The following UBE2Q2 variants were observed in gnomAD, a reference collection of about 807,000 sequenced individuals.
The protein encoded by UBE2Q2 is ubiquitin conjugating enzyme E2 Q2.
Under a neutral mutation model 59.9 loss-of-function variants are expected in UBE2Q2, and 54 were observed. The observed-to-expected ratio is 0.90, with a 90% CI of 0.72 to 1.13. The LOEUF is 1.13. Among genes scored for constraint, UBE2Q2 ranks in the 50% most tolerant of loss-of-function variants. UBE2Q2 has a pLI of 0.00. For missense variants in UBE2Q2, 433 were observed against 441.9 expected (o/e 0.98, Z 0.18); for synonymous variants, 165 against 155.2 (o/e 1.06, Z -0.47).
At chr15:75,862,952 A>G (rs1595868030) in intron 3 of UBE2Q2, among the ~76,000 whole-genome samples, 1 of 152,074 alleles carries the variant, frequency 6.6e-6, no homozygotes, top group East Asian at 1.9e-4. Flanking sequence ...CTCCTGGTGC[A>G]ATCATAAATG....
intron 11 of UBE2Q2, among the ~76,000 whole-genome samples, chr15:75,896,575 G>A (rs917947023): frequency 6.6e-6 from 1 of 152,130 alleles, no homozygotes; most frequent in Non-Finnish European, 1.5e-5. Flanking sequence ...TATAGTTGTG[G>A]AAGCTTAATA....
chr15:75,882,473 T>C (rs1898485119), intron 8 of UBE2Q2, among the ~76,000 whole-genome samples: 1 of 152,196 alleles, frequency 6.6e-6, no homozygotes, highest in South Asian at 2.1e-4. Flanking sequence ...AAATCATACA[T>C]AATGAAGAGG....
chr15:75,850,218 G>T (rs1376513661), intron 1 of UBE2Q2, among the ~76,000 whole-genome samples: 1 of 152,106 alleles, frequency 6.6e-6, no homozygotes, highest in Admixed American at 6.5e-5. Context: ...GACATTAAAA[G>T]AAATTTAGTC....
intron 2 of UBE2Q2, 53 bp downstream of exon 2, chr15:75,854,540 G>A: frequency 9.2e-7 from 1 of 1,085,740 alleles, no homozygotes; most frequent in Non-Finnish European, 1.4e-6. Context: ...ATTACATATA[G>A]AAATTAAATG....
Position 75,877,942 on chromosome 15 carries a change from A to T in UBE2Q2, c.674-19A>T. ...TATGATGAAATGAAGAGTAGCTAACATGCTCTATATCTTAACAGGGATTTA... is the reference window on the plus strand; with the variant it reads ...TATGATGAAATGAAGAGTAGCTAACTTGCTCTATATCTTAACAGGGATTTA... On this transcript the variant is annotated intron_variant, in intron 6 of 12. Coordinates refer to ENST00000267938, the MANE Select transcript of UBE2Q2 (RefSeq NM_173469.4). 6.2e-7 allele frequency: 1 copy of T among 1,608,016 alleles called. No homozygotes were observed. Among genetic ancestry groups the T allele is most frequent in the Non-Finnish European group, 8.5e-7 (1 of 1,175,656 alleles).
chr15:75,853,902 T>G (rs1420758171), intron 1 of UBE2Q2, among the ~76,000 whole-genome samples: 1 of 152,156 alleles, frequency 6.6e-6, no homozygotes, highest in Non-Finnish European at 1.5e-5. Context: ...TACCTCGCCA[T>G]GTAGGTCTCT....
rs1567009800 is a variant in UBE2Q2, at chr15:75,843,774, C to G, written c.108C>G (p.Cys36Trp). ...GTTGGAAGCTGGACGAGCTGCACTG[C>G]CAGTTCCTGGTGCCGCAGCAGGGCA... ...IVSWKLDELH[C>W]QFLVPQQGSP... The change falls in exon 1 of 13, where the codon TGC becomes TGG. Residue 36 changes from cysteine (C) to tryptophan (W), a missense_variant. Physicochemically the swap from Cys to Trp is radical, Grantham distance 215 (BLOSUM62 -2). Coordinates refer to ENST00000267938, the MANE Select transcript of UBE2Q2 (RefSeq NM_173469.4). 1 of 1,610,160 alleles carries G rather than the reference C, an allele frequency of 6.2e-7. No individual in the cohort carries two copies. Among genetic ancestry groups the G allele is most frequent in the Non-Finnish European group, 8.5e-7 (1 of 1,178,724 alleles).
intron 8 of UBE2Q2, among the ~76,000 whole-genome samples, chr15:75,879,411 T>C (rs28696039): frequency 6.6e-6 from 1 of 152,110 alleles, no homozygotes; most frequent in East Asian, 1.9e-4. Flanking sequence ...AAAACCCAAG[T>C]GTTCATTCCA....
intron 1 of UBE2Q2, among the ~76,000 whole-genome samples, chr15:75,849,587 GA>G (rs2141536480): frequency 6.6e-6 from 1 of 152,342 alleles, no homozygotes; most frequent in Admixed American, 6.5e-5. Flanking sequence ...GGTTAATCTT[GA>G]GTTGTGTTTC....
At chr15:75,896,861 G>A (rs1396444752) in intron 11 of UBE2Q2, 134 bp from the exon 12 acceptor site, 1 of 475,638 alleles carries the variant, frequency 2.1e-6, no homozygotes, top group East Asian at 3.8e-5. Context: ...AGGCTATTAA[G>A]TTAAAATTGT....
At chr15:75,844,923 T>C (rs1896253452) in intron 1 of UBE2Q2, among the ~76,000 whole-genome samples, 1 of 152,066 alleles carries the variant, frequency 6.6e-6, no homozygotes, top group South Asian at 2.1e-4. Context: ...ATAATTGACC[T>C]TAAAATGGTT....
At chr15:75,886,126 T>A (rs200185992) in intron 9 of UBE2Q2, among the ~76,000 whole-genome samples, 1 of 35,086 alleles carries the variant, frequency 2.9e-5, no homozygotes, top group South Asian at 4.4e-4. Context: ...TGTGTTTTAG[T>A]TTTTTTTTTT....
At chr15:75,866,781 T>G (rs776929388) in intron 3 of UBE2Q2, among the ~76,000 whole-genome samples, 1 of 152,218 alleles carries the variant, frequency 6.6e-6, no homozygotes, top group African/African-American at 2.4e-5. Flanking sequence ...GGAGGGGATC[T>G]TATTTTTACT....
chr15:75,855,661 C>G (rs1251393957), intron 2 of UBE2Q2, among the ~76,000 whole-genome samples: 1 of 152,096 alleles, frequency 6.6e-6, no homozygotes, highest in Admixed American at 6.6e-5. Context: ...ACATAAAAGT[C>G]AATAGCTTTC....
At chr15:75,890,322 T>C in intron 9 of UBE2Q2, 113 bp from the exon 10 acceptor site, 1 of 738,548 alleles carries the variant, frequency 1.4e-6, no homozygotes, top group Non-Finnish European at 2.3e-6. Flanking sequence ...CATGTTTGCA[T>C]GTTATTTTCT....
chr15:75,851,909 G>A (rs1445574524), intron 1 of UBE2Q2, among the ~76,000 whole-genome samples: 1 of 152,180 alleles, frequency 6.6e-6, no homozygotes, highest in Non-Finnish European at 1.5e-5. Context: ...GCCTTGTTCT[G>A]TCACCCAGGC....
At chr15:75,844,350 G>T in intron 1 of UBE2Q2, 1 of 1,550,586 alleles carries the variant, frequency 6.4e-7, no homozygotes. Flanking sequence ...AGGAGAAACT[G>T]ACAATGAGAA....
At position 75,869,030 on chromosome 15, in the gene UBE2Q2, G is replaced by T; in HGVS notation, c.447+20G>T. ...GCTGAAGTAGGTATTTTATATAAAA[G>T]AAGAGTTCATAAATTTCTTCATTTT... On this transcript the variant is annotated intron_variant, in intron 4 of 12. Coordinates refer to ENST00000267938, the MANE Select transcript of UBE2Q2 (RefSeq NM_173469.4). 2 of 1,595,678 alleles carry T rather than the reference G, an allele frequency of 1.3e-6. No homozygotes were observed.
intron 3 of UBE2Q2, among the ~76,000 whole-genome samples, chr15:75,866,978 G>A (rs1897524203): frequency 6.6e-6 from 1 of 152,172 alleles, no homozygotes; most frequent in Admixed American, 6.5e-5. Flanking sequence ...GCTCTCTGGT[G>A]ATACCTGGTT....
Sources: gnomAD v4.1 joint callset for allele counts (sites outside exome capture counted in the v4.1 genomes callset) on GRCh38, gnomAD v4.1.1 for gene constraint, MANE v1.5 for transcripts, NCBI Gene and HGNC (gene_info 2026-07-23, HGNC 2026-07-21) for gene names.